Variants in TDRD15 observed in about 807,000 individuals in gnomAD.
TDRD15 encodes tudor domain containing 15.
For synonymous variants in TDRD15, 503 were observed against 314.5 expected, an observed-to-expected ratio of 1.60 and a Z score of -6.34; for missense variants, 1,416 against 904.7, an observed-to-expected ratio of 1.57 and a Z score of -7.25.
Position 21,140,532 on chromosome 2 carries a change from A to C in TDRD15, c.3065A>C (p.Tyr1022Ser). ...AAAATGAGAGTGTGCATATCTAAGT[A>C]TGTAGAGGATGGTCTCTCATACAGA... Reference protein sequence around the residue: ...SNKMRVCISKYVEDGLSYRAL... With the variant: ...SNKMRVCISKSVEDGLSYRAL... Residue 1022 changes from tyrosine (Y) to serine (S), a missense_variant, in exon 4 of 4, where the codon TAT (tyrosine) becomes TCT (serine). Coordinates refer to ENST00000405799, the MANE Select transcript of TDRD15 (RefSeq NM_001306137.2). The C allele has an allele frequency of 1.4e-6, 1 of 698,934 alleles. No homozygotes were observed. Among genetic ancestry groups the C allele is most frequent in the East Asian group, 2.7e-5 (1 of 37,156 alleles). The allele number at this position is 698,934 out of a possible 1,614,324, so 43.3% of individuals were successfully genotyped here.
At chr2:21,129,529 A>G (rs1349204156) in intron 2 of TDRD15, among the ~76,000 whole-genome samples, 3 of 152,146 alleles carry the variant, frequency 2.0e-5, no homozygotes, top group Non-Finnish European at 4.4e-5. Flanking sequence ...AGTCAAATCC[A>G]TTGCCTGTTT....
Position 21,137,802 on chromosome 2 carries a change from G to T in TDRD15, c.335G>T (p.Gly112Val), listed in dbSNP as rs1390074667. 1.4e-6 allele frequency: 1 copy of T among 716,358 alleles called. No homozygotes were observed. The highest frequency in any genetic ancestry group is 2.7e-5 in the East Asian group (1 of 37,264). 44.4% of individuals were successfully genotyped at this position (716,358 alleles called of 1,614,324 possible). A position where few individuals can be genotyped will look rare whatever the true frequency, so the allele number is the denominator to read the frequency against. The change falls in exon 4 of 4, where the codon GGC becomes GTC. Residue 112 changes from glycine to valine, a missense_variant. Coordinates refer to ENST00000405799, the MANE Select transcript of TDRD15 (RefSeq NM_001306137.2). Reference protein sequence around the residue: ...VAGPQIASACGNLFELPPRVV... With the variant: ...VAGPQIASACVNLFELPPRVV... ...GGTCCACAGATTGCTTCAGCCTGTG[G>T]CAATTTATTTGAGCTACCGCCACGG...
intron 1 of TDRD15, among the ~76,000 whole-genome samples, chr2:21,126,518 C>T (rs1357499825): frequency 6.6e-6 from 1 of 152,106 alleles, no homozygotes; most frequent in Non-Finnish European, 1.5e-5. Flanking sequence ...AGGCATGCGT[C>T]ACCACGTCCG....
downstream of TDRD15, among the ~76,000 whole-genome samples, chr2:21,147,131 A>G (rs1666042053): frequency 6.6e-6 from 1 of 152,086 alleles, no homozygotes; most frequent in African/African-American, 2.4e-5. Context: ...TGATAAAACT[A>G]TATTTGTTTT....
intron 2 of TDRD15, among the ~76,000 whole-genome samples, chr2:21,129,549 A>G (rs1243087674): frequency 1.3e-5 from 2 of 152,180 alleles, no homozygotes; most frequent in Middle Eastern, 3.4e-3. Flanking sequence ...TTTAGATTGC[A>G]TTGTCTTTCC....
At chr2:21,134,114 G>A (rs1475514442) in intron 2 of TDRD15, among the ~76,000 whole-genome samples, 1 of 151,828 alleles carries the variant, frequency 6.6e-6, no homozygotes, top group African/African-American at 2.4e-5. Context: ...TCCAATGAGT[G>A]CCATTATCTA....
chr2:21,134,103 C>T (rs1331266847), intron 2 of TDRD15, among the ~76,000 whole-genome samples: 2 of 151,848 alleles, frequency 1.3e-5, no homozygotes, highest in Admixed American at 1.3e-4. Flanking sequence ...AGAAGATAAA[C>T]TCCAATGAGT....
Position 21,142,447 on chromosome 2 carries a change from G to C in TDRD15, c.4980G>C (p.Leu1660Phe). 1.4e-6 allele frequency: 1 copy of C among 708,010 alleles called. No individual in the cohort carries two copies. Among genetic ancestry groups the C allele is most frequent in the Non-Finnish European group, 2.6e-6 (1 of 381,560 alleles). 43.9% of individuals were successfully genotyped at this position (708,010 alleles called of 1,614,324 possible). A position where few individuals can be genotyped will look rare whatever the true frequency, so the allele number is the denominator to read the frequency against. The change falls in exon 4 of 4, where the codon TTG becomes TTC. Residue 1660 changes from leucine to phenylalanine, a missense_variant. By Grantham distance (22) the Leu-to-Phe change is conservative. Coordinates refer to ENST00000405799, the MANE Select transcript of TDRD15 (RefSeq NM_001306137.2). Reference sequence around the variant, plus strand: ...CATTTGAGTGCTTATTTGCTGATTTGGAAATAAATATTCTTTTCCTGAAAT... The same window carrying C: ...CATTTGAGTGCTTATTTGCTGATTTCGAAATAAATATTCTTTTCCTGAAAT... ...NISFECLFAD[L>F]EINILFLKYL...
At position 21,140,546 on chromosome 2, in the gene TDRD15, C is replaced by T; in HGVS notation, c.3079C>T (p.Leu1027Phe). The T allele has an allele frequency of 1.4e-6, 1 of 703,416 alleles. No individual in the cohort carries two copies. The highest frequency in any genetic ancestry group is 2.6e-6 in the Non-Finnish European group (1 of 379,792). The allele number at this position is 703,416 out of a possible 1,614,324, so 43.6% of individuals were successfully genotyped here. A position where few individuals can be genotyped will look rare whatever the true frequency, so the allele number is the denominator to read the frequency against. ...VCISKYVEDGLSYRALAIPTD... is the reference protein window; with the variant it reads ...VCISKYVEDGFSYRALAIPTD... ...CATATCTAAGTATGTAGAGGATGGT[C>T]TCTCATACAGAGCTTTAGCAATACC... The change falls in exon 4 of 4, where the codon CTC becomes TTC. Residue 1027 changes from leucine to phenylalanine, a missense_variant. Coordinates refer to ENST00000405799, the MANE Select transcript of TDRD15 (RefSeq NM_001306137.2).
At chr2:21,133,347 A>C (rs1048016021) in intron 2 of TDRD15, among the ~76,000 whole-genome samples, 2 of 152,130 alleles carry the variant, frequency 1.3e-5, no homozygotes, top group Non-Finnish European at 2.9e-5. Context: ...TCTGTCCCAG[A>C]ATGGTGCTTT....
chr2:21,134,920 T>A (rs1665779427), intron 3 of TDRD15, 73 bp downstream of exon 3: 1 of 150,694 alleles, frequency 6.6e-6, no homozygotes, highest in Non-Finnish European at 1.5e-5. Context: ...CTAGAACATC[T>A]TGATTTAAAT....
Position 21,138,616 on chromosome 2 carries a change from A to G in TDRD15, c.1149A>G (p.Val383=), listed in dbSNP as rs1245403821. The G allele has an allele frequency of 2.8e-6, 2 of 713,182 alleles. No homozygotes were observed. Among genetic ancestry groups the G allele is most frequent in the East Asian group, 5.4e-5 (2 of 37,254 alleles). The allele number at this position is 713,182 out of a possible 1,614,324, so 44.2% of individuals were successfully genotyped here. A position where few individuals can be genotyped will look rare whatever the true frequency, so the allele number is the denominator to read the frequency against. The change falls in exon 4 of 4, where the codon GTA becomes GTG. Residue 383 remains valine, a synonymous_variant. Transcript: ENST00000405799. The part of the protein sequence containing the change: ...IFKQALLGQV[V]YAHIDWFNKD... ...AACAGGCCTTATTAGGACAAGTGGT[A>G]TATGCACACATTGATTGGTTCAATA...
At chr2:21,127,927 C>A (rs2103435376) in intron 2 of TDRD15, among the ~76,000 whole-genome samples, 1 of 152,236 alleles carries the variant, frequency 6.6e-6, no homozygotes, top group South Asian at 2.1e-4. Flanking sequence ...TCTTTAATTT[C>A]TCTTAGCAGT....
At chr2:21,129,198 G>A (rs956353514) in intron 2 of TDRD15, among the ~76,000 whole-genome samples, 2 of 151,974 alleles carry the variant, frequency 1.3e-5, no homozygotes, top group Non-Finnish European at 2.9e-5. Flanking sequence ...TACTAAGAAT[G>A]GTCCTGTCCA....
chr2:21,132,517 T>G (rs1328857459), intron 2 of TDRD15, among the ~76,000 whole-genome samples: 1 of 152,064 alleles, frequency 6.6e-6, no homozygotes, highest in Non-Finnish European at 1.5e-5. Context: ...TTTTATATGC[T>G]CTGGAGATGA....
chr2:21,146,715 C>T (rs1187784710), downstream of TDRD15, among the ~76,000 whole-genome samples: 1 of 152,056 alleles, frequency 6.6e-6, no homozygotes, highest in East Asian at 1.9e-4. Flanking sequence ...TCTAGAATGA[C>T]AGCCCATTTT....
Position 21,140,968 on chromosome 2 carries a change from T to C in TDRD15, c.3501T>C (p.Thr1167=). ...NKINENKRFT[T]SLKGKTGNNY... is the part of the protein sequence containing the mutation. Reference sequence around the variant, plus strand: ...TAAATGAGAATAAGAGATTTACTACTTCTTTGAAAGGCAAAACAGGAAACA... The same window carrying C: ...TAAATGAGAATAAGAGATTTACTACCTCTTTGAAAGGCAAAACAGGAAACA... Residue 1167 remains threonine (T), a synonymous_variant, in exon 4 of 4, where the codon ACT becomes ACC. Transcript: ENST00000405799. 2 of 714,108 alleles carry C rather than the reference T, an allele frequency of 2.8e-6. No homozygotes were observed. The highest frequency in any genetic ancestry group is 1.5e-5 in the South Asian group (1 of 67,034). The allele number at this position is 714,108 out of a possible 1,614,324, so 44.2% of individuals were successfully genotyped here.
Position 21,127,405 on chromosome 2 carries a change from T to C in TDRD15, c.-200-196T>C, listed in dbSNP as rs187350477. On this transcript the variant is annotated intron_variant, in intron 1 of 3. Transcript: ENST00000405799. Reference sequence around the variant, plus strand: ...TTTGCCACGTCAAGGTACCTATGATTTTCTGTTTTTTTCTGAGAAGTTTTA... The same window carrying C: ...TTTGCCACGTCAAGGTACCTATGATCTTCTGTTTTTTTCTGAGAAGTTTTA... 2.2e-3 allele frequency among the ~76,000 whole-genome samples: 338 copies of C among 152,324 alleles called. 1 individual carries two copies. Among genetic ancestry groups the C allele is most frequent in the Non-Finnish European group, 3.7e-3 (251 of 68,030 alleles).
rs567807948 is a variant in TDRD15 at position 21,131,619 on chromosome 2, A to G, written c.-89-3143A>G. Among the ~76,000 whole-genome samples, 4 of 152,204 alleles carry G rather than the reference A, an allele frequency of 2.6e-5. No individual in the cohort carries two copies. In the South Asian group the frequency reaches 8.3e-4, roughly 32 times the overall value. On this transcript the variant is annotated intron_variant, in intron 2 of 3. Transcript: ENST00000405799. ...TGCAACACATTGAATGTAGAAGCAG[A>G]TATGAGAATCCAGCTTAATTTCTAT...
Sources: gnomAD v4.1 joint callset for allele counts (sites outside exome capture counted in the v4.1 genomes callset) on GRCh38, gnomAD v4.1.1 for gene constraint, MANE v1.5 for transcripts, NCBI Gene and HGNC (gene_info 2026-07-23, HGNC 2026-07-21) for gene names.